The following NELL1 variants were observed in gnomAD, a reference collection of about 807,000 sequenced individuals.
NELL1 encodes neural EGFL like 1.
In NELL1, 76 loss-of-function variants were observed where a neutral mutation model predicts 107.4. The observed-to-expected ratio is 0.71, with a 90% CI of 0.59 to 0.86. The LOEUF (loss-of-function observed/expected upper bound fraction) is 0.86. Ranked by LOEUF, NELL1 falls within the 40% of genes least tolerant of loss-of-function variation. The pLI is 0.00. For missense variants in NELL1, 1,024 were observed against 1,005.5 expected, an observed-to-expected ratio of 1.02 and a Z score of -0.25; for synonymous variants, 353 against 341.2, an observed-to-expected ratio of 1.03 and a Z score of -0.38.
At chr11:21,164,705 C>G (rs764345809) in intron 13 of NELL1, among the ~76,000 whole-genome samples, 1 of 152,126 alleles carries the variant, frequency 6.6e-6, no homozygotes, top group Non-Finnish European at 1.5e-5. Context: ...TGAGAGCACC[C>G]AGAGTCTTCT....
intron 15 of NELL1, among the ~76,000 whole-genome samples, chr11:21,458,872 C>T (rs1478986309): frequency 1.3e-5 from 2 of 152,040 alleles, no homozygotes; most frequent in Non-Finnish European, 2.9e-5. Flanking sequence ...GTTAAATGAA[C>T]AGCAAATCCT....
intron 12 of NELL1, among the ~76,000 whole-genome samples, chr11:20,976,698 A>G (rs751987771): frequency 6.6e-6 from 1 of 152,172 alleles, no homozygotes; most frequent in African/African-American, 2.4e-5. Flanking sequence ...ATGAAACTTA[A>G]TATCATTCCA....
intron 15 of NELL1, among the ~76,000 whole-genome samples, chr11:21,487,154 C>T (rs1854654809): frequency 6.6e-6 from 1 of 152,144 alleles, no homozygotes; most frequent in African/African-American, 2.4e-5. Flanking sequence ...AAGGTCTTCT[C>T]TGTGACACAT....
rs138055971 is a variant in NELL1, at chr11:20,819,146, T to C, written c.336-28437T>C. Among the ~76,000 whole-genome samples the C allele has an allele frequency of 3.0e-3, 454 of 152,292 alleles. 1 individual carries two copies. The South Asian group carries it at 0.031, about 10-fold the overall frequency. ...AACTTACTTTTATCATGCAGTGCTT[T>C]GGTGGTATTTTTAATGCCATTTATT... On this transcript the variant is annotated intron_variant, in intron 3 of 19. Coordinates refer to ENST00000357134, the MANE Select transcript of NELL1 (RefSeq NM_006157.5).
At chr11:21,455,244 A>G (rs755353055) in intron 15 of NELL1, among the ~76,000 whole-genome samples, 4 of 150,102 alleles carry the variant, frequency 2.7e-5, no homozygotes, top group Non-Finnish European at 4.4e-5. Context: ...GGAGAATATC[A>G]TAGTCATTTG....
intron 16 of NELL1, among the ~76,000 whole-genome samples, chr11:21,539,462 G>A (rs1484808894): frequency 6.6e-6 from 1 of 151,936 alleles, no homozygotes; most frequent in Non-Finnish European, 1.5e-5. Flanking sequence ...ACACGGACTT[G>A]AAGGATGGTG....
intron 12 of NELL1, among the ~76,000 whole-genome samples, chr11:20,981,274 T>C (rs1275143436): frequency 6.6e-6 from 1 of 152,220 alleles, no homozygotes; most frequent in East Asian, 1.9e-4. Flanking sequence ...ATTTTTTTCA[T>C]TTTAAAAGTG....
intron 4 of NELL1, among the ~76,000 whole-genome samples, chr11:20,855,430 A>G (rs1848865369): frequency 6.6e-6 from 1 of 152,178 alleles, no homozygotes; most frequent in Non-Finnish European, 1.5e-5. Flanking sequence ...AAAAGAAAGC[A>G]TTTTGTTGCA....
chr11:21,320,161 G>A (rs772348923), intron 14 of NELL1, among the ~76,000 whole-genome samples: 9 of 152,032 alleles, frequency 5.9e-5, no homozygotes, highest in Non-Finnish European at 1.3e-4. Context: ...TTCTTCTCCT[G>A]CTGATAACAG....
chr11:21,071,902 G>A (rs1423157598), intron 12 of NELL1, among the ~76,000 whole-genome samples: 2 of 152,072 alleles, frequency 1.3e-5, no homozygotes, highest in African/African-American at 4.8e-5. Context: ...CCTTCCTTCA[G>A]GCTTAGTTTC....
At chr11:20,700,491 GA>G (rs34659908) in intron 2 of NELL1, among the ~76,000 whole-genome samples, 19,740 of 148,554 alleles carry the variant, frequency 0.13, 1,677 homozygotes, top group African/African-American at 0.23. Context: ...AAAAGACAAA[GA>G]AAAAAAAATA....
At chr11:21,486,707 A>G (rs913500656) in intron 15 of NELL1, among the ~76,000 whole-genome samples, 4 of 152,184 alleles carry the variant, frequency 2.6e-5, no homozygotes, top group African/African-American at 9.6e-5. Context: ...GAGAATTCTG[A>G]AAAATGATAC....
At chr11:21,241,667 T>C (rs1858363798) in intron 14 of NELL1, among the ~76,000 whole-genome samples, 1 of 152,140 alleles carries the variant, frequency 6.6e-6, no homozygotes, top group Non-Finnish European at 1.5e-5. Flanking sequence ...GGTGGAATGT[T>C]TAACTAGGAC....
intron 2 of NELL1, among the ~76,000 whole-genome samples, chr11:20,693,612 C>T (rs960404397): frequency 4.6e-5 from 7 of 152,092 alleles, no homozygotes; most frequent in Non-Finnish European, 8.8e-5. Context: ...TGAATATTGG[C>T]CCCCACTCTT....
intron 12 of NELL1, among the ~76,000 whole-genome samples, chr11:21,037,756 C>A (rs1051824662): frequency 3.8e-4 from 58 of 152,256 alleles, no homozygotes; most frequent in African/African-American, 1.3e-3. Flanking sequence ...TTGACCCCTG[C>A]AAACTTCCCT....
At chr11:20,802,898 T>C (rs2134004113) in intron 3 of NELL1, among the ~76,000 whole-genome samples, 1 of 152,358 alleles carries the variant, frequency 6.6e-6, no homozygotes, top group East Asian at 1.9e-4. Flanking sequence ...GAACCATCTG[T>C]GCATACTTGG....
At position 21,552,258 on chromosome 11, in the gene NELL1, G is replaced by A. The variant is rs1023714770; in HGVS notation, c.1787-7931G>A. Among the ~76,000 whole-genome samples the A allele has an allele frequency of 3.3e-5, 5 of 151,542 alleles. No individual in the cohort carries two copies. The South Asian group carries it at 1.0e-3, about 32-fold the overall frequency. The stretch of plus-strand genomic sequence containing the variant: ...CATATGTAACTAACCTGCACATTGT[G>A]CACATGTACCCTAAAACTTAAAGTA... On this transcript the variant is annotated intron_variant, in intron 16 of 19. Transcript: ENST00000357134.
intron 15 of NELL1, among the ~76,000 whole-genome samples, chr11:21,462,177 T>C (rs1853915774): frequency 6.6e-6 from 1 of 152,128 alleles, no homozygotes; most frequent in Non-Finnish European, 1.5e-5. Flanking sequence ...CTATTCAAAC[T>C]GTAGTCTCAT....
In NELL1 at chr11:21,225,283, T is replaced by C. The variant is rs185812692; in HGVS notation, c.1427-4049T>C. Among the ~76,000 whole-genome samples, 43 of 152,258 alleles carry C rather than the reference T, an allele frequency of 2.8e-4. 1 individual carries two copies. Among genetic ancestry groups the C allele is most frequent in the Admixed American group, 1.1e-3 (17 of 15,300 alleles). ...TGCAAAGGACTCAGTGTGTTTTCCCTCTCAGGAAATATGAAGTTGCTTGGA... is the reference window on the plus strand; with the variant it reads ...TGCAAAGGACTCAGTGTGTTTTCCCCCTCAGGAAATATGAAGTTGCTTGGA... On this transcript the variant is annotated intron_variant, in intron 13 of 19. Coordinates refer to ENST00000357134, the MANE Select transcript of NELL1 (RefSeq NM_006157.5).
Sources: allele counts gnomAD v4.1 joint callset (sites outside exome capture counted in the v4.1 genomes callset), GRCh38; gene constraint gnomAD v4.1.1; transcripts MANE v1.5; gene names NCBI Gene and HGNC (gene_info 2026-07-23, HGNC 2026-07-21).